The following GLI3 variants were observed in gnomAD, a reference collection of about 807,000 sequenced individuals.
The protein encoded by GLI3 is transcription activator GLI3.
Under a neutral mutation model 100.8 loss-of-function variants are expected in GLI3, and 20 were observed. That is an observed-to-expected ratio of 0.20 (90% CI 0.14 to 0.29). The LOEUF (loss-of-function observed/expected upper bound fraction) is 0.29, where lower values mean the gene tolerates loss of function less well. Among genes scored for constraint, GLI3 ranks in the 10% least tolerant of loss-of-function variants. The pLI is 1.00. For missense variants in GLI3, 2,040 were observed against 2,128.5 expected (o/e 0.96, Z 0.82); for synonymous variants, 938 against 860.5 (o/e 1.09, Z -1.58).
At position 41,966,754 on chromosome 7, in the gene GLI3, T is replaced by G. The variant is rs935772064; in HGVS notation, c.2432-113A>C. 9.3e-7 allele frequency: 1 copy of G among 1,070,656 alleles called. No homozygotes were observed. The highest frequency in any genetic ancestry group is 1.5e-5 in the African/African-American group (1 of 64,596). 66.3% of individuals were successfully genotyped at this position (1,070,656 alleles called of 1,614,324 possible). On this transcript the variant is annotated intron_variant, in intron 14 of 14. Coordinates refer to ENST00000395925, the MANE Select transcript of GLI3 (RefSeq NM_000168.6). This position sits in a 1 kb window ranked among gnomAD's most constrained non-coding sequence, Gnocchi z 5.8. ...AGGGCCAGCTAGGAACTATTTCTGG[T>G]GTCCCAGGCCACATTGCCTGCCTCA...
At chr7:42,050,752 G>A (rs1474268031) in intron 4 of GLI3, among the ~76,000 whole-genome samples, 1 of 152,178 alleles carries the variant, frequency 6.6e-6, no homozygotes, top group Non-Finnish European at 1.5e-5. Context: ...ACATCAGGGT[G>A]GGCAGTGACA....
intron 11 of GLI3, 29 bp downstream of exon 11, chr7:41,978,570 G>C (rs1296229612): frequency 6.2e-7 from 1 of 1,612,132 alleles, no homozygotes. Context: ...AAGGACCCAA[G>C]TGTGCCTGCC....
intron 2 of GLI3, among the ~76,000 whole-genome samples, chr7:42,150,752 C>T (rs560240369): frequency 2.0e-5 from 3 of 152,304 alleles, no homozygotes; most frequent in Non-Finnish European, 2.9e-5. Flanking sequence ...TCTCTTAAAA[C>T]GGCATCCCTA....
intron 2 of GLI3, among the ~76,000 whole-genome samples, chr7:42,194,683 C>A (rs1376236572): frequency 6.6e-6 from 1 of 152,052 alleles, no homozygotes; most frequent in Non-Finnish European, 1.5e-5. Flanking sequence ...TCTCCTTCCT[C>A]CATCCCCAGA....
intron 1 of GLI3, among the ~76,000 whole-genome samples, chr7:42,230,102 G>GGA (rs1210422597): frequency 1.9e-5 from 1 of 52,592 alleles, no homozygotes; most frequent in Non-Finnish European, 5.2e-5. Context: ...GTTGGGCGGG[G>GGA]GGGGGGGGGG....
At chr7:41,980,148 CAAGAA>C (rs564588129) in intron 10 of GLI3, among the ~76,000 whole-genome samples, 12 of 152,304 alleles carry the variant, frequency 7.9e-5, no homozygotes, top group Non-Finnish European at 1.6e-4. Flanking sequence ...TTGCAGCACA[CAAGAA>C]GAGAGCCAAT....
At chr7:42,187,727 G>A (rs367929623) in intron 2 of GLI3, among the ~76,000 whole-genome samples, 3 of 151,874 alleles carry the variant, frequency 2.0e-5, no homozygotes, top group Non-Finnish European at 2.9e-5. Context: ...CAGCAGAGCC[G>A]GGCACAGTGG....
rs1554337070 is a variant in GLI3 at position 42,182,662 on chromosome 7, A to ATACGTGTGTG, written c.125-34195_125-34194insCACACACGTA. 4.4e-3 allele frequency among the ~76,000 whole-genome samples: 341 copies of ATACGTGTGTG among 76,712 alleles called. 7 individuals carry two copies. Among genetic ancestry groups the ATACGTGTGTG allele is most frequent in the South Asian group, 8.0e-3 (17 of 2,126 alleles). 50.3% of individuals were successfully genotyped at this position (76,712 alleles called of 152,430 possible). ...TGTGTGTGTATATATATATATATAT[A>ATACGTGTGTG]TATATATATATATATATATACACAT... On this transcript the variant is annotated intron_variant, in intron 2 of 14. Transcript: ENST00000395925.
chr7:42,110,437 G>A (rs995064845), intron 3 of GLI3, among the ~76,000 whole-genome samples: 9 of 152,182 alleles, frequency 5.9e-5, no homozygotes, highest in African/African-American at 1.4e-4. Context: ...TCAAGAGGCC[G>A]TGTCAGCAGC....
chr7:41,995,472 T>G (rs940892397), intron 10 of GLI3, among the ~76,000 whole-genome samples: 1 of 151,668 alleles, frequency 6.6e-6, no homozygotes, highest in African/African-American at 2.4e-5. Context: ...CACAGGAGGG[T>G]TTTCCTGATG....
chr7:42,055,708 C>T (rs1244726530), intron 4 of GLI3, among the ~76,000 whole-genome samples: 1 of 152,162 alleles, frequency 6.6e-6, no homozygotes, highest in Non-Finnish European at 1.5e-5. Context: ...GTTCCATTTC[C>T]AATCCTATTT....
intron 3 of GLI3, among the ~76,000 whole-genome samples, chr7:42,130,929 A>G (rs929688906): frequency 2.6e-5 from 4 of 152,240 alleles, no homozygotes; most frequent in Non-Finnish European, 5.9e-5. Flanking sequence ...GAGACATCAG[A>G]CTTCTCATCT....
At chr7:42,259,127 G>C (rs986189183) in intron 1 of GLI3, among the ~76,000 whole-genome samples, 2 of 152,178 alleles carry the variant, frequency 1.3e-5, no homozygotes, top group African/African-American at 4.8e-5. Flanking sequence ...CTAGTTCCAA[G>C]CTTAGCTAAG....
chr7:42,237,463 C>G (rs1363943663), upstream of GLI3, among the ~76,000 whole-genome samples: 1 of 151,988 alleles, frequency 6.6e-6, no homozygotes, highest in Non-Finnish European at 1.5e-5. Flanking sequence ...GTGGAGAAGC[C>G]CCCCGCCCCG....
In GLI3 at chr7:42,226,221, T is replaced by C. The variant is rs140821134; in HGVS notation, c.-42-2926A>G. On this transcript the variant is annotated intron_variant, in intron 1 of 14. Coordinates refer to ENST00000395925, the MANE Select transcript of GLI3 (RefSeq NM_000168.6). ...TGTATTTGAGTAGAGTCTACAACGT[T>C]AAAACTGCACACTGAAACATGCAAA... Among the ~76,000 whole-genome samples, 287 of 152,330 alleles carry C rather than the reference T, an allele frequency of 1.9e-3. 1 individual carries two copies. Among genetic ancestry groups the C allele is most frequent in the African/African-American group, 6.6e-3 (273 of 41,580 alleles).
chr7:42,239,641 C>A (rs1478762540), upstream of GLI3, among the ~76,000 whole-genome samples: 1 of 152,204 alleles, frequency 6.6e-6, no homozygotes, highest in African/African-American at 2.4e-5. Context: ...ACTCTTACTT[C>A]AGTCTTATAG....
At chr7:42,072,644 C>G (rs1378665830) in intron 4 of GLI3, among the ~76,000 whole-genome samples, 1 of 152,186 alleles carries the variant, frequency 6.6e-6, no homozygotes, top group Non-Finnish European at 1.5e-5. Flanking sequence ...TTTAGCCTAG[C>G]AGGCATCATT....
At chr7:42,060,555 T>C (rs997200883) in intron 4 of GLI3, among the ~76,000 whole-genome samples, 25 of 152,186 alleles carry the variant, frequency 1.6e-4, no homozygotes, top group African/African-American at 2.7e-4. Flanking sequence ...AAAACAAAAA[T>C]TTTTTAATCA....
chr7:42,239,704 A>G (rs1430924790), upstream of GLI3, among the ~76,000 whole-genome samples: 2 of 152,250 alleles, frequency 1.3e-5, no homozygotes, highest in East Asian at 1.9e-4. Flanking sequence ...AGACAAGAAC[A>G]AAGCAAAAGC....
Sources: gnomAD v4.1 joint callset for allele counts (sites outside exome capture counted in the v4.1 genomes callset) on GRCh38, gnomAD v4.1.1 for gene constraint, Gnocchi (gnomAD v3.1) non-coding constraint, MANE v1.5 for transcripts, NCBI Gene and HGNC (gene_info 2026-07-23, HGNC 2026-07-21) for gene names.